Variants in AGRN observed in about 807,000 individuals in gnomAD.
The protein encoded by AGRN is agrin proteoglycan.
A neutral mutation model predicts 211.0 loss-of-function variants in AGRN; 106 were observed. The observed-to-expected ratio is 0.50, with a 90% CI of 0.43 to 0.59. The LOEUF (loss-of-function observed/expected upper bound fraction) is 0.59, where lower values mean the gene tolerates loss of function less well. AGRN is among the 20% of genes least tolerant of loss of function. The pLI, the probability that AGRN is intolerant of heterozygous loss-of-function variation, is 0.00. For synonymous variants in AGRN, 1,525 were observed against 1,332.5 expected, an observed-to-expected ratio of 1.14 and a Z score of -3.15; for missense variants, 3,040 against 2,982.6, an observed-to-expected ratio of 1.02 and a Z score of -0.45.
chr1:1,036,245 G>A (rs1399174611), intron 3 of AGRN, among the ~76,000 whole-genome samples: 2 of 152,192 alleles, frequency 1.3e-5, no homozygotes, highest in African/African-American at 4.8e-5. Flanking sequence ...TCCAGGTCTT[G>A]GGAGTGGGGG....
Position 1,051,492 on chromosome 1 carries a change from G to C in AGRN, c.5410G>C (p.Val1804Leu), listed in dbSNP as rs754158999. Residue 1804 changes from valine to leucine, a missense_variant, in exon 32 of 36, where the codon GTG becomes CTG. Coordinates refer to ENST00000379370, the MANE Select transcript of AGRN (RefSeq NM_198576.4). ...CCGCCAGCTGCTGACCCCGGAGCACGTGCTGCGGCAGGTGGACGTCACGTC... is the reference window on the plus strand; with the variant it reads ...CCGCCAGCTGCTGACCCCGGAGCACCTGCTGCGGCAGGTGGACGTCACGTC... ...GGRQLLTPEH[V>L]LRQVDVTSFA... 1.3e-6 allele frequency: 2 copies of C among 1,570,804 alleles called. No homozygotes were observed. The highest frequency in any genetic ancestry group is 1.7e-6 in the Non-Finnish European group (2 of 1,161,636).
In AGRN at chr1:1,053,749, C is replaced by T. The variant is rs752622706; in HGVS notation, c.5652-4C>T. On this transcript the variant is annotated splice_region_variant and splice_polypyrimidine_tract_variant and intron_variant, in intron 33 of 35. Coordinates refer to ENST00000379370, the MANE Select transcript of AGRN (RefSeq NM_198576.4). Reference sequence around the variant, plus strand: ...GAGGCCCTGACCTGCCCTCTGCCCTCCAGCGAGAAGGCACTGCAGAGCAAC... The same window carrying T: ...GAGGCCCTGACCTGCCCTCTGCCCTTCAGCGAGAAGGCACTGCAGAGCAAC... 1.0e-5 allele frequency: 16 copies of T among 1,596,300 alleles called. No individual in the cohort carries two copies. The highest frequency in any genetic ancestry group is 1.4e-5 in the Non-Finnish European group (16 of 1,172,432).
intron 7 of AGRN, among the ~76,000 whole-genome samples, chr1:1,042,586 G>A (rs1377743066): frequency 2.6e-5 from 4 of 152,174 alleles, no homozygotes; most frequent in South Asian, 2.1e-4. Context: ...GTGTCCCGTC[G>A]TGTTCGTCTT....
chr1:1,023,869 G>C (rs1332055573), intron 2 of AGRN, among the ~76,000 whole-genome samples: 1 of 152,204 alleles, frequency 6.6e-6, no homozygotes, highest in South Asian at 2.1e-4. Flanking sequence ...CCCCTGCCAG[G>C]TGGGTGTGGC....
At chr1:1,037,327 A>C (rs181584462) in intron 3 of AGRN, among the ~76,000 whole-genome samples, 5 of 151,950 alleles carry the variant, frequency 3.3e-5, no homozygotes, top group African/African-American at 1.2e-4. Context: ...TTCTTTACAC[A>C]CTGCCCCCTT....
intron 2 of AGRN, 32 bp from the exon 3 acceptor site, chr1:1,035,242 AGAG>A: frequency 6.2e-7 from 1 of 1,611,600 alleles, no homozygotes. Flanking sequence ...GAGCCTGCTC[AGAG>A]GAGCCTAACT....
chr1:1,042,226 A>G lies in AGRN; in HGVS notation c.1384+64A>G. The G allele has an allele frequency of 4.7e-6, 7 of 1,502,212 alleles. No homozygotes were observed. In the South Asian group the frequency reaches 7.5e-5, roughly 16 times the overall value. The allele number at this position is 1,502,212 out of a possible 1,614,324, so 93.1% of individuals were successfully genotyped here. On this transcript the variant is annotated intron_variant, in intron 7 of 35. Coordinates refer to ENST00000379370, the MANE Select transcript of AGRN (RefSeq NM_198576.4). ...CTCCTGCGTCAGTCCCTGCCTGGACATCACATGCCATCTTCATCCATCATG... is the reference window on the plus strand; with the variant it reads ...CTCCTGCGTCAGTCCCTGCCTGGACGTCACATGCCATCTTCATCCATCATG...
In AGRN at chr1:1,040,747, G is replaced by A. The variant is rs1644907595; in HGVS notation, c.594G>A (p.Lys198=). 2 of 1,541,716 alleles carry A rather than the reference G, an allele frequency of 1.3e-6. No homozygotes were observed. The highest frequency in any genetic ancestry group is 1.7e-6 in the Non-Finnish European group (2 of 1,144,684). The stretch of plus-strand genomic sequence containing the variant: ...CGGGCCGGGCGTCCTGCGTCTGCAA[G>A]AAGAGCCCGTGCCCCAGCGTGGTGG... The part of the protein sequence containing the change: ...EGPGRASCVC[K]KSPCPSVVAP... The change falls in exon 4 of 36, where the codon AAG becomes AAA. Residue 198 remains lysine, a synonymous_variant. Coordinates refer to ENST00000379370, the MANE Select transcript of AGRN (RefSeq NM_198576.4).
rs141694897 is a variant in AGRN, at chr1:1,042,083, G to A, written c.1305G>A (p.Thr435=). ...YRPVCAQDGR[T]YDSDCWRQQA... ...CCGTGTGTGCCCAGGACGGGCGCAC[G>A]TATGACAGTGATTGCTGGCGGCAGC... is the stretch of plus-strand genomic sequence containing the variant. The change falls in exon 7 of 36, where the codon ACG becomes ACA. Residue 435 remains threonine (T), a synonymous_variant. Transcript: ENST00000379370. 2.9e-5 allele frequency: 47 copies of A among 1,605,198 alleles called. No individual in the cohort carries two copies. The African/African-American group carries it at 4.4e-4, about 15-fold the overall frequency.
Position 1,048,739 on chromosome 1 carries a change from C to G in AGRN, c.4106-128C>G, listed in dbSNP as rs1214209298. The G allele has an allele frequency of 8.5e-7, 1 of 1,178,862 alleles. No homozygotes were observed. Among genetic ancestry groups the G allele is most frequent in the Admixed American group, 2.7e-5 (1 of 37,190 alleles). The allele number at this position is 1,178,862 out of a possible 1,614,324, so 73.0% of individuals were successfully genotyped here. On this transcript the variant is annotated intron_variant, in intron 23 of 35. Transcript: ENST00000379370. The surrounding 1 kb of genome is among the most constrained non-coding windows in gnomAD (Gnocchi z 5.9). ...CCAGGATCGCGCCACTGCACTCCAG[C>G]CGGGGCAAAAAGAGCAAAACTCCGT...
rs1157336755 is a variant in AGRN, at chr1:1,034,604, T to A, written c.464-673T>A. ...GGACACCCGGCAGCCGCCTGGCGCC[T>A]CCCTGCTGGTGCGAGGCTTCATGGT... On this transcript the variant is annotated intron_variant, in intron 2 of 35. Transcript: ENST00000379370. 3.0e-6 allele frequency: 3 copies of A among 986,234 alleles called. No individual in the cohort carries two copies. The East Asian group carries it at 3.4e-4, about 112-fold the overall frequency. 61.1% of individuals were successfully genotyped at this position (986,234 alleles called of 1,614,324 possible).
chr1:1,026,548 G>T, intron 2 of AGRN, among the ~76,000 whole-genome samples: 1 of 152,148 alleles, frequency 6.6e-6, no homozygotes, highest in Non-Finnish European at 1.5e-5. Context: ...AGAAGCAGAC[G>T]CCCCACGCCC....
chr1:1,055,572 C>T lies in AGRN; in HGVS notation c.*591C>T, dbSNP rs956443074. 5.5e-6 allele frequency: 1 copy of T among 180,434 alleles called. No individual in the cohort carries two copies. The highest frequency in any genetic ancestry group is 1.5e-4 in the East Asian group (1 of 6,608). The allele number at this position is 180,434 out of a possible 1,614,324, so 11.2% of individuals were successfully genotyped here. A position where few individuals can be genotyped will look rare whatever the true frequency, so the allele number is the denominator to read the frequency against. ...ACCAGGGCCGATCTGGGTGTCCTGA[C>T]CCTCAGCTGGCCCTGCCCAGCCACC... On this transcript the variant is annotated 3_prime_UTR_variant, in exon 36 of 36. Coordinates refer to ENST00000379370, the MANE Select transcript of AGRN (RefSeq NM_198576.4).
intron 30 of AGRN, chr1:1,051,046 A>G (rs1287020779): frequency 1.3e-6 from 2 of 1,548,624 alleles, no homozygotes; most frequent in African/African-American, 1.4e-5. Context: ...CCCGCAAGGT[A>G]CTGTCGGCCT....
chr1:1,044,382 A>G lies in AGRN; in HGVS notation c.2197A>G (p.Lys733Glu), dbSNP rs1227865880. The change falls in exon 12 of 36, where the codon AAG (lysine) becomes GAG (glutamate). Residue 733 changes from lysine to glutamate, a missense_variant. Around this residue, in one of 3 missense-constraint regions of AGRN, gnomAD observed 1,498 missense variants for 1,457.8 expected, o/e 1.03. Coordinates refer to ENST00000379370, the MANE Select transcript of AGRN (RefSeq NM_198576.4). ...VTYSTECELK[K>E]ARCESQRGLY... ...CTACAGCACCGAGTGTGAGCTGAAG[A>G]AGGCCAGGTGTGAGTCACAGCGAGG... is the stretch of plus-strand genomic sequence containing the variant. The G allele has an allele frequency of 1.2e-6, 2 of 1,612,626 alleles. No homozygotes were observed. Among genetic ancestry groups the G allele is most frequent in the East Asian group, 2.2e-5 (1 of 44,860 alleles).
At chr1:1,047,475 C>G in intron 20 of AGRN, 21 bp downstream of exon 20, 1 of 1,612,710 alleles carries the variant, frequency 6.2e-7, no homozygotes. Flanking sequence ...GGCGCAGCCC[C>G]CACCTACCCA....
Position 1,022,478 on chromosome 1 carries a change from C to T in AGRN, c.463+16C>T, listed in dbSNP as rs200521039. Reference sequence around the variant, plus strand: ...TGTGTGGAAGGTGCGTGGTGGGGGGCTCGTGTGGGGGCCTGTGGGGGTCAG... The same window carrying T: ...TGTGTGGAAGGTGCGTGGTGGGGGGTTCGTGTGGGGGCCTGTGGGGGTCAG... On this transcript the variant is annotated intron_variant, in intron 2 of 35. Transcript: ENST00000379370. The T allele has an allele frequency of 1.0e-5, 16 of 1,597,888 alleles. No homozygotes were observed. In the African/African-American group the frequency reaches 2.1e-4, roughly 21 times the overall value.
intron 4 of AGRN, 140 bp downstream of exon 4, chr1:1,041,020 G>T (rs1283731367): frequency 2.1e-6 from 1 of 466,018 alleles, no homozygotes; most frequent in African/African-American, 2.8e-5. Context: ...GGAGGGGCCT[G>T]GGGGGCGGAG....
chr1:1,051,052 G>C (rs558915417), intron 30 of AGRN: 2 of 1,548,904 alleles, frequency 1.3e-6, no homozygotes, highest in Non-Finnish European at 8.7e-7. Context: ...AGGTACTGTC[G>C]GCCTCTCATC....
Sources: gnomAD v4.1 joint callset for allele counts (sites outside exome capture counted in the v4.1 genomes callset) on GRCh38, gnomAD v4.1.1 for gene constraint, gnomAD v4.1.1 regional missense constraint, Gnocchi (gnomAD v3.1) non-coding constraint, MANE v1.5 for transcripts, NCBI Gene and HGNC (gene_info 2026-07-23, HGNC 2026-07-21) for gene names.